Variants in TANC1 observed in about 807,000 individuals in gnomAD.
TANC1 encodes protein TANC1.
A neutral mutation model predicts 149.7 loss-of-function variants in TANC1; 77 were observed. That is an observed-to-expected ratio of 0.51 (90% CI 0.43 to 0.62). TANC1 has a LOEUF of 0.62. Among genes scored for constraint, TANC1 ranks in the 20% least tolerant of loss-of-function variants. TANC1 has a pLI of 0.00. For missense variants in TANC1, 1,985 were observed against 2,321.8 expected (o/e 0.85, Z 2.98); for synonymous variants, 854 against 925.0 (o/e 0.92, Z 1.39).
chr2:159,229,835 C>T lies in TANC1; in HGVS notation c.4409C>T (p.Ser1470Phe). Residue 1470 changes from serine (S) to phenylalanine (F), a missense_variant, in exon 27 of 27, where the codon TCT (serine) becomes TTT (phenylalanine). Ser to Phe is a radical substitution (Grantham distance 155). Around this residue, in one of 3 missense-constraint regions of TANC1, gnomAD observed 920 missense variants for 994.7 expected, o/e 0.92. Transcript: ENST00000263635. Reference protein sequence around the residue: ...EEEETSPQEESVSPTPRSQPS... With the variant: ...EEEETSPQEEFVSPTPRSQPS... ...GAAGAAACTTCTCCCCAGGAAGAAT[C>T]TGTTTCCCCAACTCCCAGGTCCCAG... 1 of 1,614,198 alleles carries T rather than the reference C, an allele frequency of 6.2e-7. No individual in the cohort carries two copies. Among genetic ancestry groups the T allele is most frequent in the Middle Eastern group, 1.6e-4 (1 of 6,062 alleles).
intron 2 of TANC1, among the ~76,000 whole-genome samples, chr2:159,053,207 C>G (rs997709283): frequency 2.7e-5 from 4 of 150,040 alleles, no homozygotes; most frequent in African/African-American, 9.8e-5. Flanking sequence ...ATCTGGAGCT[C>G]TGGTATTCCC....
intron 2 of TANC1, among the ~76,000 whole-genome samples, chr2:159,044,581 G>T (rs1170351670): frequency 6.6e-6 from 1 of 151,954 alleles, no homozygotes; most frequent in Non-Finnish European, 1.5e-5. Flanking sequence ...AAGAGACCTG[G>T]CTGAGAATGG....
At chr2:158,996,882 A>T (rs1170270264) in intron 1 of TANC1, among the ~76,000 whole-genome samples, 3 of 152,150 alleles carry the variant, frequency 2.0e-5, no homozygotes, top group Admixed American at 2.0e-4. Context: ...ACATGAAAGA[A>T]CTTTAGTGTA....
intron 8 of TANC1, among the ~76,000 whole-genome samples, chr2:159,167,475 C>T (rs554987946): frequency 1.8e-4 from 27 of 152,318 alleles, no homozygotes; most frequent in Non-Finnish European, 2.9e-4. Flanking sequence ...CTTGGATTAC[C>T]GTACATTCGA....
At chr2:159,224,728 G>A (rs1014541150) in intron 23 of TANC1, 6 of 215,056 alleles carry the variant, frequency 2.8e-5, no homozygotes, top group Non-Finnish European at 5.7e-5. Context: ...CTGTTCTAGA[G>A]CCACCAGTCA....
chr2:159,181,149 A>G (rs558446538), intron 14 of TANC1, among the ~76,000 whole-genome samples: 70 of 152,206 alleles, frequency 4.6e-4, no homozygotes, highest in African/African-American at 1.6e-3. Flanking sequence ...TTCTCTTGGA[A>G]TTCTTATCTG....
intron 3 of TANC1, among the ~76,000 whole-genome samples, chr2:159,094,989 G>A (rs1435421993): frequency 2.0e-5 from 3 of 151,532 alleles, no homozygotes; most frequent in Non-Finnish European, 4.4e-5. Context: ...ACTGTTGCCC[G>A]AGCTAGAGTG....
chr2:159,182,216 A>AT (rs2056562965), intron 14 of TANC1, among the ~76,000 whole-genome samples: 1 of 151,462 alleles, frequency 6.6e-6, no homozygotes, highest in African/African-American at 2.4e-5. Flanking sequence ...TCAAAAAAAA[A>AT]GAAAGAGTTT....
intron 4 of TANC1, among the ~76,000 whole-genome samples, chr2:159,115,974 GAACTTT>G (rs2048199185): frequency 6.6e-6 from 1 of 152,110 alleles, no homozygotes; most frequent in Non-Finnish European, 1.5e-5. Flanking sequence ...TGCCTATCTT[GAACTTT>G]GAGTGCTCCA....
At chr2:159,194,715 AATTCCAGGGAGACCCT>A (rs1193901227) in intron 17 of TANC1, among the ~76,000 whole-genome samples, 7 of 152,248 alleles carry the variant, frequency 4.6e-5, no homozygotes, top group Non-Finnish European at 8.8e-5. Context: ...GGGAAGGCAG[AATTCCAGGGAGACCCT>A]GGCTCCTAGC....
intron 3 of TANC1, among the ~76,000 whole-genome samples, chr2:159,087,868 ATCTAGTATGACTGTTGT>A (rs1559234556): frequency 3.4e-5 from 5 of 148,260 alleles, no homozygotes; most frequent in Non-Finnish European, 7.4e-5. Context: ...GTGGGTCCTA[ATCTAGTATGACTGTTGT>A]CCTTAGGAGA....
chr2:159,114,744 TC>T (rs527252357), intron 4 of TANC1, among the ~76,000 whole-genome samples: 188 of 152,346 alleles, frequency 1.2e-3, no homozygotes, highest in African/African-American at 4.5e-3. Flanking sequence ...AAAATAAAGT[TC>T]ATTTTATTCT....
At chr2:159,004,344 G>A in intron 2 of TANC1, 3 of 1,605,474 alleles carry the variant, frequency 1.9e-6, no homozygotes, top group Non-Finnish European at 2.6e-6. Context: ...TTGGAAGCTG[G>A]CATGGACTAG....
intron 3 of TANC1, among the ~76,000 whole-genome samples, chr2:159,070,185 T>C (rs1264136920): frequency 6.6e-6 from 1 of 152,230 alleles, no homozygotes; most frequent in Non-Finnish European, 1.5e-5. Flanking sequence ...TGATTCATTA[T>C]TTTAAACCAT....
chr2:159,227,661 A>G, intron 24 of TANC1, 158 bp from the exon 25 acceptor site: 1 of 721,266 alleles, frequency 1.4e-6, no homozygotes, highest in Non-Finnish European at 2.3e-6. Flanking sequence ...CAGCCCAGTT[A>G]GTGAACTAGC....
chr2:159,183,474 C>T (rs201371255), intron 14 of TANC1, among the ~76,000 whole-genome samples: 32 of 152,012 alleles, frequency 2.1e-4, no homozygotes, highest in East Asian at 9.7e-4. Context: ...GCTTCCAGGG[C>T]GTGGAGGAGG....
At chr2:158,999,972 C>T (rs913647801) in intron 1 of TANC1, among the ~76,000 whole-genome samples, 1 of 152,102 alleles carries the variant, frequency 6.6e-6, no homozygotes. Context: ...GATGGAATCT[C>T]ACTGTGTTGC....
chr2:159,086,755 C>G (rs1338387567), intron 3 of TANC1, among the ~76,000 whole-genome samples: 1 of 152,174 alleles, frequency 6.6e-6, no homozygotes, highest in Non-Finnish European at 1.5e-5. Context: ...GTTCATACTT[C>G]CACTCCCTTC....
chr2:158,991,125 A>T (rs1271192974), intron 1 of TANC1, among the ~76,000 whole-genome samples: 2 of 151,398 alleles, frequency 1.3e-5, no homozygotes, highest in Non-Finnish European at 2.9e-5. Flanking sequence ...AGTAGAAAAA[A>T]CAGCAGGGCT....
Sources: allele counts gnomAD v4.1 joint callset (sites outside exome capture counted in the v4.1 genomes callset), GRCh38; gene constraint gnomAD v4.1.1; regional missense constraint gnomAD v4.1.1; transcripts MANE v1.5; gene names NCBI Gene and HGNC (gene_info 2026-07-23, HGNC 2026-07-21).